Variants in JAK2 observed in about 807,000 individuals in gnomAD.
JAK2 encodes Janus kinase 2, also known as tyrosine-protein kinase JAK2.
In JAK2, 86 loss-of-function variants were observed where a neutral mutation model predicts 139.3. The ratio of observed to expected loss-of-function variants is 0.62; its 90% CI spans 0.52 to 0.74. JAK2 has a LOEUF of 0.74. Ranked by LOEUF, JAK2 falls within the 30% of genes least tolerant of loss-of-function variation. The probability of loss-of-function intolerance (pLI) is 0.00; values close to 1 mark genes in which losing one functional copy is unlikely to be tolerated. For missense variants in JAK2, 1,421 were observed against 1,360.3 expected (o/e 1.04, Z -0.70); for synonymous variants, 490 against 437.7 (o/e 1.12, Z -1.49).
intron 18 of JAK2, 40 bp from the exon 19 acceptor site, chr9:5,081,685 A>T (rs1280196452): frequency 2.1e-6 from 3 of 1,449,838 alleles, no homozygotes. Context: ...AGAGAATGTT[A>T]TTTGCTAATT....
intron 22 of JAK2, among the ~76,000 whole-genome samples, chr9:5,122,645 A>G (rs1013560587): frequency 1.3e-5 from 2 of 152,086 alleles, no homozygotes; most frequent in African/African-American, 2.4e-5. Flanking sequence ...ATCCATATTC[A>G]TGGTTATGAT....
chr9:5,102,324 G>C (rs1020382039), intron 22 of JAK2, among the ~76,000 whole-genome samples: 1 of 152,146 alleles, frequency 6.6e-6, no homozygotes, highest in Non-Finnish European at 1.5e-5. Context: ...AATAAAGCGA[G>C]AGGAGAAGTT....
At chr9:5,111,930 G>C (rs1262807355) in intron 22 of JAK2, 1 of 348,226 alleles carries the variant, frequency 2.9e-6, no homozygotes, top group Non-Finnish European at 5.7e-6. Flanking sequence ...CTACTCTCCG[G>C]ATCACTCAAG....
chr9:5,126,988 A>T lies in JAK2; in HGVS notation c.*197A>T. The stretch of plus-strand genomic sequence containing the variant: ...ATGAGGCCACCAGTAAAAGACATTA[A>T]TGAGAATTCCTTAGCAAGGATTTTG... On this transcript the variant is annotated 3_prime_UTR_variant, in exon 25 of 25. Transcript: ENST00000381652. 1 of 332,112 alleles carries T rather than the reference A, an allele frequency of 3.0e-6. No individual in the cohort carries two copies. The allele number at this position is 332,112 out of a possible 1,614,324, so 20.6% of individuals were successfully genotyped here.
intron 24 of JAK2, 28 bp from the exon 25 acceptor site, chr9:5,126,656 T>G: frequency 3.3e-6 from 5 of 1,498,766 alleles, no homozygotes; most frequent in Non-Finnish European, 4.6e-6. Flanking sequence ...AGTGTTCATT[T>G]AATTTTGGTT....
intron 10 of JAK2, among the ~76,000 whole-genome samples, chr9:5,067,849 G>A (rs1818673339): frequency 6.6e-6 from 1 of 151,958 alleles, no homozygotes; most frequent in Non-Finnish European, 1.5e-5. Flanking sequence ...TAACAGACAG[G>A]TTTACAATTA....
At chr9:5,080,443 G>T in intron 17 of JAK2, 63 bp downstream of exon 17, 1 of 1,543,034 alleles carries the variant, frequency 6.5e-7, no homozygotes, top group Non-Finnish European at 8.8e-7. Context: ...TCTTTCACAT[G>T]ATTTGTATTT....
chr9:5,114,309 G>T, intron 22 of JAK2: 1 of 542,840 alleles, frequency 1.8e-6, no homozygotes, highest in Non-Finnish European at 3.6e-6. Flanking sequence ...TTGGTCCCAG[G>T]CCAGTGGGAA....
chr9:5,064,937 G>A lies in JAK2; in HGVS notation c.1111G>A (p.Gly371Arg). 6.2e-7 allele frequency: 1 copy of A among 1,600,040 alleles called. No homozygotes were observed. Among genetic ancestry groups the A allele is most frequent in the Non-Finnish European group, 8.5e-7 (1 of 1,171,904 alleles). Residue 371 changes from glycine (G) to arginine (R), a missense_variant, in exon 9 of 25, where the codon GGA becomes AGA. Transcript: ENST00000381652. ...EALSFVSLID[G>R]YYRLTADAHH... ...TTTGTCTTTCGTGTCATTAATTGATGGATATTATAGATTAACTGCAGATGC... is the reference window on the plus strand; with the variant it reads ...TTTGTCTTTCGTGTCATTAATTGATAGATATTATAGATTAACTGCAGATGC...
intron 22 of JAK2, chr9:5,112,843 C>T: frequency 1.8e-6 from 1 of 550,784 alleles, no homozygotes. Flanking sequence ...CCGCTGGGCA[C>T]GTGTGAAAGG....
chr9:5,006,049 A>T (rs1343648620), intron 2 of JAK2, among the ~76,000 whole-genome samples: 2 of 152,208 alleles, frequency 1.3e-5, no homozygotes, highest in Admixed American at 6.5e-5. Context: ...TGGTAGCTTG[A>T]TGGGGATGGC....
chr9:5,122,759 T>C (rs1361770446), intron 22 of JAK2, among the ~76,000 whole-genome samples: 15 of 152,060 alleles, frequency 9.9e-5, no homozygotes. Flanking sequence ...ATAAACCGTA[T>C]TGTTTGTACA....
intron 22 of JAK2, among the ~76,000 whole-genome samples, chr9:5,101,525 G>T (rs929166371): frequency 6.6e-6 from 1 of 152,246 alleles, no homozygotes; most frequent in Non-Finnish European, 1.5e-5. Flanking sequence ...GAAGAGAGCA[G>T]TGTTTCTACC....
At chr9:4,984,902 C>T (rs1301336476), upstream of JAK2, 2 of 152,330 alleles carry the variant, frequency 1.3e-5, no homozygotes, top group Admixed American at 6.5e-5. Flanking sequence ...GCCTTAACTT[C>T]CTTGCGCGCT....
At chr9:5,008,409 G>A (rs1821461006) in intron 2 of JAK2, among the ~76,000 whole-genome samples, 1 of 152,204 alleles carries the variant, frequency 6.6e-6, no homozygotes, top group South Asian at 2.1e-4. Flanking sequence ...TCAAATGTAG[G>A]AAGTGGAGAT....
intron 22 of JAK2, among the ~76,000 whole-genome samples, chr9:5,102,587 T>A (rs1308559503): frequency 6.6e-6 from 1 of 152,112 alleles, no homozygotes; most frequent in Non-Finnish European, 1.5e-5. Flanking sequence ...AGACACGTAA[T>A]TGTCATATTC....
chr9:5,043,895 GAATA>G (rs1816804528), intron 4 of JAK2, among the ~76,000 whole-genome samples: 1 of 152,190 alleles, frequency 6.6e-6, no homozygotes, highest in Admixed American at 6.5e-5. Flanking sequence ...ACAATGCTAT[GAATA>G]AACTAAAAAC....
At chr9:5,017,402 G>A (rs547801390) in intron 2 of JAK2, among the ~76,000 whole-genome samples, 4 of 152,284 alleles carry the variant, frequency 2.6e-5, no homozygotes, top group South Asian at 4.1e-4. Flanking sequence ...TAAGAACTTC[G>A]TTTAAATTAA....
At chr9:5,007,253 AT>A (rs1169330568) in intron 2 of JAK2, among the ~76,000 whole-genome samples, 1 of 152,160 alleles carries the variant, frequency 6.6e-6, no homozygotes, top group African/African-American at 2.4e-5. Flanking sequence ...GATTATGAAT[AT>A]CTTAGTATAC....
Sources: allele counts gnomAD v4.1 joint callset (sites outside exome capture counted in the v4.1 genomes callset), GRCh38; gene constraint gnomAD v4.1.1; transcripts MANE v1.5; gene names NCBI Gene and HGNC (gene_info 2026-07-23, HGNC 2026-07-21).